SGCB: variants seen among roughly 807,000 people sequenced by gnomAD.
SGCB encodes the protein beta-sarcoglycan.
SGCB carries 25 observed loss-of-function variants against 27.3 expected under a neutral mutation model. The ratio of observed to expected loss-of-function variants is 0.92; its 90% CI spans 0.67 to 1.28. The LOEUF is 1.28. Ranked by LOEUF, SGCB falls within the 50% of genes most tolerant of loss-of-function variation. The pLI, the probability that SGCB is intolerant of heterozygous loss-of-function variation, is 0.00. For missense variants in SGCB, 436 were observed against 402.1 expected (o/e 1.08, Z -0.72); for synonymous variants, 147 against 133.5 (o/e 1.10, Z -0.70).
At position 52,034,264 on chromosome 4, in the gene SGCB, G is replaced by A. The variant is rs1387066987; in HGVS notation, c.34-624C>T. Reference sequence around the variant, plus strand: ...GGAGAATGGCGTGAACCCGGGAGGCGGAGCTTGCAGTGAGCCGAGATCCCG... The same window carrying A: ...GGAGAATGGCGTGAACCCGGGAGGCAGAGCTTGCAGTGAGCCGAGATCCCG... On this transcript the variant is annotated intron_variant, in intron 1 of 5. Transcript: ENST00000381431. Among the ~76,000 whole-genome samples, 3 of 77,236 alleles carry A rather than the reference G, an allele frequency of 3.9e-5. 1 individual carries two copies. Among genetic ancestry groups the A allele is most frequent in the Admixed American group, 4.1e-4 (2 of 4,908 alleles). 50.7% of individuals were successfully genotyped at this position (77,236 alleles called of 152,430 possible).
At chr4:52,025,206 G>T (rs1440931675) in intron 5 of SGCB, among the ~76,000 whole-genome samples, 1 of 152,062 alleles carries the variant, frequency 6.6e-6, no homozygotes, top group Non-Finnish European at 1.5e-5. Flanking sequence ...TGGGGTAGGG[G>T]GAGACAATAA....
At position 52,035,695 on chromosome 4, in the gene SGCB, C is replaced by T. The variant is rs150753013; in HGVS notation, c.34-2055G>A. Among the ~76,000 whole-genome samples, 12 of 152,058 alleles carry T rather than the reference C, an allele frequency of 7.9e-5. No homozygotes were observed. In the East Asian group the frequency reaches 1.9e-3, roughly 24 times the overall value. On this transcript the variant is annotated intron_variant, in intron 1 of 5. Transcript: ENST00000381431. ...TAATGGAGGATTGAGGTTAAGAGGA[C>T]CTAAACTAAAGTGGGATGAAAAAGG... is the stretch of plus-strand genomic sequence containing the variant.
intron 1 of SGCB, among the ~76,000 whole-genome samples, chr4:52,037,505 T>C (rs1737426364): frequency 6.6e-6 from 1 of 152,196 alleles, no homozygotes. Context: ...GAAAATTATC[T>C]GTATTACAAT....
rs757115090 is a variant in SGCB, at chr4:52,028,808, G to A, written c.543C>T (p.Ser181=). 3.7e-6 allele frequency: 6 copies of A among 1,613,484 alleles called. No homozygotes were observed. Among genetic ancestry groups the A allele is most frequent in the Middle Eastern group, 1.7e-4 (1 of 6,060 alleles). Residue 181 remains serine (S), a synonymous_variant, in exon 4 of 6, where the codon AGC becomes AGT. Coordinates refer to ENST00000381431, the MANE Select transcript of SGCB (RefSeq NM_000232.5). ...FDPRTQNILF[S]TDYETHEFHL... ...GAAACTCATGAGTTTCATAGTCTGT[G>A]CTGAATAAGATATTTTGAGTCCTCG...
At chr4:52,037,324 C>T (rs910299340) in intron 1 of SGCB, among the ~76,000 whole-genome samples, 1 of 152,126 alleles carries the variant, frequency 6.6e-6, no homozygotes, top group East Asian at 1.9e-4. Context: ...AATGAGCCCT[C>T]CAGTGACATA....
At position 52,021,142 on chromosome 4, in the gene SGCB, A is replaced by AAC. The variant is rs1273011904; in HGVS notation, c.*2814_*2815insGT. ...ATTGATTTCATTTGCCCCCCTTGTC[A>AAC]TTGCAACCCGTCTCTAGAATACTGT... On this transcript the variant is annotated 3_prime_UTR_variant, in exon 6 of 6. Coordinates refer to ENST00000381431, the MANE Select transcript of SGCB (RefSeq NM_000232.5). 6.6e-6 allele frequency: 1 copy of AAC among 152,038 alleles called. No individual in the cohort carries two copies. The highest frequency in any genetic ancestry group is 1.5e-5 in the Non-Finnish European group (1 of 68,012). 9.4% of individuals were successfully genotyped at this position (152,038 alleles called of 1,614,324 possible). A position where few individuals can be genotyped will look rare whatever the true frequency, so the allele number is the denominator to read the frequency against.
Position 52,033,536 on chromosome 4 carries a change from C to T in SGCB, c.138G>A (p.Pro46=), listed in dbSNP as rs532448056. The stretch of plus-strand genomic sequence containing the variant: ...TTTTGTGGAGACGATCTTCATCAAT[C>T]GGAATGTATCCAGCTTTAAAGTTAC... The part of the protein sequence containing the change: ...HNSNFKAGYI[P]IDEDRLHKTG... The change falls in exon 2 of 6, where the codon CCG becomes CCA. Residue 46 remains proline (P), a synonymous_variant. Transcript: ENST00000381431. 7 of 1,613,556 alleles carry T rather than the reference C, an allele frequency of 4.3e-6. No individual in the cohort carries two copies. Among genetic ancestry groups the T allele is most frequent in the East Asian group, 4.5e-5 (2 of 44,868 alleles).
chr4:52,028,548 A>G (rs1737168083), intron 4 of SGCB, among the ~76,000 whole-genome samples, 182 bp downstream of exon 4: 1 of 151,814 alleles, frequency 6.6e-6, no homozygotes, highest in Non-Finnish European at 1.5e-5. Flanking sequence ...AGGCAGGAGA[A>G]TGGCGTGAAT....
rs146235069 is a variant in SGCB at position 52,022,832 on chromosome 4, A to T, written c.*1125T>A. 2.6e-4 allele frequency: 39 copies of T among 152,306 alleles called. 1 individual carries two copies. In the East Asian group the frequency reaches 7.3e-3, roughly 29 times the overall value. The allele number at this position is 152,306 out of a possible 1,614,324, so 9.4% of individuals were successfully genotyped here. A position where few individuals can be genotyped will look rare whatever the true frequency, so the allele number is the denominator to read the frequency against. Reference sequence around the variant, plus strand: ...AACTGAGGTAACTCAGAAGTAGGTAAATTTGACCTCTCCATCGTATAATAT... The same window carrying T: ...AACTGAGGTAACTCAGAAGTAGGTATATTTGACCTCTCCATCGTATAATAT... On this transcript the variant is annotated 3_prime_UTR_variant, in exon 6 of 6. Coordinates refer to ENST00000381431, the MANE Select transcript of SGCB (RefSeq NM_000232.5).
rs57599198 is a variant in SGCB at position 52,031,406 on chromosome 4, ATGTGTGTGTGTGTG to A, written c.244-1557_244-1544del. Among the ~76,000 whole-genome samples the A allele has an allele frequency of 3.3e-3, 473 of 142,814 alleles. 1 individual carries two copies. The highest frequency in any genetic ancestry group is 0.011 in the African/African-American group (413 of 36,272). 93.7% of individuals were successfully genotyped at this position (142,814 alleles called of 152,430 possible). On this transcript the variant is annotated intron_variant, in intron 2 of 5. Coordinates refer to ENST00000381431, the MANE Select transcript of SGCB (RefSeq NM_000232.5). ...CCCATTCATCTCTGTGTGTGTGTGT[ATGTGTGTGTGTGTG>A]TGTGTGTGTGTGTGTGTGTGTGTGT...
At position 52,024,043 on chromosome 4, in the gene SGCB, C is replaced by T; in HGVS notation, c.871G>A (p.Ala291Thr). The part of the protein sequence containing the change: ...DWVRYKLCMC[A>T]DGTLFKVQVT... ...TGCACCTTGAAGAGCGTCCCATCAG[C>T]ACACATGCAGAGCTTGTAGCGTACC... The change falls in exon 6 of 6, where the codon GCT becomes ACT. Residue 291 changes from alanine to threonine, a missense_variant. Ala to Thr is a moderately conservative substitution (Grantham distance 58). Transcript: ENST00000381431. The T allele has an allele frequency of 6.2e-7, 1 of 1,614,072 alleles. No homozygotes were observed. The highest frequency in any genetic ancestry group is 8.5e-7 in the Non-Finnish European group (1 of 1,179,976).
intron 2 of SGCB, among the ~76,000 whole-genome samples, chr4:52,030,634 T>C (rs1320900387): frequency 6.6e-6 from 1 of 152,244 alleles, no homozygotes; most frequent in Admixed American, 6.5e-5. Flanking sequence ...AGGAAATCTT[T>C]CTGGAACCTG....
Position 52,023,983 on chromosome 4 carries a change from C to T in SGCB, c.931G>A (p.Asp311Asn). 2.5e-6 allele frequency: 4 copies of T among 1,614,108 alleles called. No individual in the cohort carries two copies. Among genetic ancestry groups the T allele is most frequent in the Non-Finnish European group, 3.4e-6 (4 of 1,180,024 alleles). Reference sequence around the variant, plus strand: ...TAATGAGTGTTTCCACAGGGGTTGTCTGAGATTTGGCAGCCCATGTTCTGG... The same window carrying T: ...TAATGAGTGTTTCCACAGGGGTTGTTTGAGATTTGGCAGCCCATGTTCTGG... ...TSQNMGCQIS[D>N]NPCGNTH The change falls in exon 6 of 6, where the codon GAC becomes AAC. Residue 311 changes from aspartate to asparagine, a missense_variant. Asp to Asn is a conservative substitution (Grantham distance 23). Transcript: ENST00000381431.
intron 1 of SGCB, among the ~76,000 whole-genome samples, chr4:52,037,558 C>T (rs891769942): frequency 2.0e-5 from 3 of 152,182 alleles, no homozygotes; most frequent in Non-Finnish European, 4.4e-5. Flanking sequence ...TTAACACACA[C>T]ACATATGCAT....
chr4:52,022,223 T>C lies in SGCB; in HGVS notation c.*1734A>G, dbSNP rs376828672. 58 of 152,362 alleles carry C rather than the reference T, an allele frequency of 3.8e-4. No individual in the cohort carries two copies. Among genetic ancestry groups the C allele is most frequent in the African/African-American group, 1.3e-3 (54 of 41,592 alleles). 9.4% of individuals were successfully genotyped at this position (152,362 alleles called of 1,614,324 possible). A position where few individuals can be genotyped will look rare whatever the true frequency, so the allele number is the denominator to read the frequency against. On this transcript the variant is annotated 3_prime_UTR_variant, in exon 6 of 6. Transcript: ENST00000381431. ...AGTGTTAGGTAGTAAGTCAATCCAATTTCAGTATAAATTAATGACTTCATA... is the reference window on the plus strand; with the variant it reads ...AGTGTTAGGTAGTAAGTCAATCCAACTTCAGTATAAATTAATGACTTCATA...
At chr4:52,026,242 T>C (rs1287411391) in intron 5 of SGCB, among the ~76,000 whole-genome samples, 1 of 150,658 alleles carries the variant, frequency 6.6e-6, no homozygotes, top group East Asian at 1.9e-4. Context: ...AATTGTTTTT[T>C]GTTGTTGGTT....
At chr4:52,027,299 T>G (rs1737124675) in intron 5 of SGCB, among the ~76,000 whole-genome samples, 1 of 152,060 alleles carries the variant, frequency 6.6e-6, no homozygotes, top group South Asian at 2.1e-4. Flanking sequence ...TTATGGCACA[T>G]GAAATACCAT....
At chr4:52,036,462 G>A (rs541731522) in intron 1 of SGCB, among the ~76,000 whole-genome samples, 284 of 152,310 alleles carry the variant, frequency 1.9e-3, no homozygotes, top group Non-Finnish European at 3.3e-3. Flanking sequence ...GGGAACTACT[G>A]AAGAGTTAAA....
intron 2 of SGCB, chr4:52,031,867 G>GAAATTACAT (rs1388413245): frequency 1.5e-5 from 7 of 455,080 alleles, no homozygotes; most frequent in African/African-American, 1.4e-4. Flanking sequence ...TTTTTCACCG[G>GAAATTACAT]GACTTGCCAA....
Sources: gnomAD v4.1 joint callset for allele counts (sites outside exome capture counted in the v4.1 genomes callset) on GRCh38, gnomAD v4.1.1 for gene constraint, MANE v1.5 for transcripts, NCBI Gene and HGNC (gene_info 2026-07-23, HGNC 2026-07-21) for gene names.